The following ADIPOR2 variants were observed in gnomAD, a reference collection of about 807,000 sequenced individuals.
ADIPOR2 encodes adiponectin receptor 2.
In ADIPOR2, 18 loss-of-function variants were observed where a neutral mutation model predicts 40.9. The observed-to-expected ratio is 0.44, with a 90% CI of 0.30 to 0.65. The LOEUF (loss-of-function observed/expected upper bound fraction) is 0.65, where lower values mean the gene tolerates loss of function less well. Among genes scored for constraint, ADIPOR2 ranks in the 30% least tolerant of loss-of-function variants. The pLI, the probability that ADIPOR2 is intolerant of heterozygous loss-of-function variation, is 0.09. For missense variants in ADIPOR2, 283 were observed against 479.2 expected (o/e 0.59, Z 3.82); for synonymous variants, 165 against 166.4 (o/e 0.99, Z 0.06).
At chr12:1,765,749 A>G (rs1309840053) in intron 2 of ADIPOR2, among the ~76,000 whole-genome samples, 3 of 151,804 alleles carry the variant, frequency 2.0e-5, no homozygotes, top group East Asian at 1.9e-4. Context: ...TTTTTCTTCT[A>G]TAGCCTTCAA....
At chr12:1,748,317 C>T (rs1018564286) in intron 1 of ADIPOR2, among the ~76,000 whole-genome samples, 98 of 152,194 alleles carry the variant, frequency 6.4e-4, no homozygotes, top group Middle Eastern at 3.4e-3. Flanking sequence ...GGCGCGATCT[C>T]GGCTCACTGC....
intron 1 of ADIPOR2, among the ~76,000 whole-genome samples, chr12:1,745,615 A>G (rs951749438): frequency 6.6e-6 from 1 of 152,178 alleles, no homozygotes; most frequent in East Asian, 1.9e-4. Context: ...CCTTCTTACA[A>G]TGAATTATCC....
chr12:1,722,848 T>G (rs1405105648), intron 1 of ADIPOR2, among the ~76,000 whole-genome samples: 1 of 152,246 alleles, frequency 6.6e-6, no homozygotes, highest in African/African-American at 2.4e-5. Context: ...TAAGTGACAG[T>G]CCAGGTAGAA....
In ADIPOR2 at chr12:1,772,949, A is replaced by G. The variant is rs1413666397; in HGVS notation, c.279A>G (p.Glu93=). The G allele has an allele frequency of 3.7e-6, 6 of 1,613,468 alleles. No individual in the cohort carries two copies. The highest frequency in any genetic ancestry group is 5.1e-6 in the Non-Finnish European group (6 of 1,179,728). The change falls in exon 3 of 8, where the codon GAA becomes GAG. Residue 93 remains glutamate (E), a synonymous_variant. Coordinates refer to ENST00000357103, the MANE Select transcript of ADIPOR2 (RefSeq NM_024551.3). ...ATCATGCTATGGAAAAAATGGAAGA[A>G]TTTGTTTGTAAGGTAAGAGTGCAGT... ...QAHHAMEKME[E]FVCKVWEGRW...
intron 1 of ADIPOR2, among the ~76,000 whole-genome samples, chr12:1,701,939 T>C (rs2094651017): frequency 6.6e-6 from 1 of 152,064 alleles, no homozygotes; most frequent in African/African-American, 2.4e-5. Context: ...CTGACCAACA[T>C]GGTGAAACTC....
intron 1 of ADIPOR2, among the ~76,000 whole-genome samples, chr12:1,736,173 C>T (rs2094730105): frequency 6.6e-6 from 1 of 152,084 alleles, no homozygotes; most frequent in Admixed American, 6.5e-5. Context: ...GGAATGGTAC[C>T]AGCTCCTCCT....
At chr12:1,704,015 GTT>G (rs772767475) in intron 1 of ADIPOR2, among the ~76,000 whole-genome samples, 7 of 54,516 alleles carry the variant, frequency 1.3e-4, no homozygotes, top group Non-Finnish European at 1.6e-4. Context: ...GCCCCCACCA[GTT>G]TTTTTTTTTT....
At chr12:1,727,452 AC>A (rs1417553889) in intron 1 of ADIPOR2, among the ~76,000 whole-genome samples, 4 of 152,140 alleles carry the variant, frequency 2.6e-5, no homozygotes, top group African/African-American at 9.7e-5. Context: ...ATAATCATTC[AC>A]TCATTGCATG....
rs2094646898 is a variant in ADIPOR2 at position 1,699,923 on chromosome 12, T to TTGGCC, written c.-87+8733_-87+8734insGGCCT. 1.8e-4 allele frequency among the ~76,000 whole-genome samples: 27 copies of TTGGCC among 152,320 alleles called. No homozygotes were observed. In the South Asian group the frequency reaches 5.6e-3, roughly 32 times the overall value. On this transcript the variant is annotated intron_variant, in intron 1 of 7. Transcript: ENST00000357103. ...AGGGGATATATGTTGGCCAATGATA[T>TTGGCC]TATAGATTGGCTTAATTAGACAAGT...
intron 2 of ADIPOR2, among the ~76,000 whole-genome samples, chr12:1,770,195 A>G (rs1261062169): frequency 1.3e-5 from 2 of 152,182 alleles, no homozygotes; most frequent in Non-Finnish European, 2.9e-5. Flanking sequence ...GTAGTCTTAT[A>G]TGTAACCAGT....
intron 2 of ADIPOR2, among the ~76,000 whole-genome samples, chr12:1,759,547 A>G (rs1565651961): frequency 6.6e-6 from 1 of 152,186 alleles, no homozygotes; most frequent in Non-Finnish European, 1.5e-5. Flanking sequence ...TTTTTGTACA[A>G]GTCTTTATTT....
intron 1 of ADIPOR2, among the ~76,000 whole-genome samples, chr12:1,746,879 AT>A (rs1463005012): frequency 1.3e-5 from 2 of 152,202 alleles, no homozygotes; most frequent in Non-Finnish European, 2.9e-5. Context: ...AAATTAAAAA[AT>A]TAGCTGGGCA....
In ADIPOR2 at chr12:1,726,119, GC is replaced by G. The variant is rs373044578; in HGVS notation, c.-86-28138del. ...AAATTGCTTTTGAGGTATCACTTAAGCAACCTTAGTGCTTCTAAGCAACATA... is the reference window on the plus strand; with the variant it reads ...AAATTGCTTTTGAGGTATCACTTAAGAACCTTAGTGCTTCTAAGCAACATA... On this transcript the variant is annotated intron_variant, in intron 1 of 7. Coordinates refer to ENST00000357103, the MANE Select transcript of ADIPOR2 (RefSeq NM_024551.3). 6.1e-4 allele frequency among the ~76,000 whole-genome samples: 93 copies of G among 152,328 alleles called. 3 individuals are homozygous for G. In the South Asian group the frequency reaches 0.019, roughly 31 times the overall value.
chr12:1,695,235 G>A (rs1259189880), intron 1 of ADIPOR2, among the ~76,000 whole-genome samples: 1 of 151,822 alleles, frequency 6.6e-6, no homozygotes, highest in Non-Finnish European at 1.5e-5. Flanking sequence ...TGCGCCTGTA[G>A]TTCCAGCTAC....
At chr12:1,737,562 T>G (rs1159433189) in intron 1 of ADIPOR2, among the ~76,000 whole-genome samples, 1 of 152,206 alleles carries the variant, frequency 6.6e-6, no homozygotes, top group Non-Finnish European at 1.5e-5. Context: ...CTAATCTTCC[T>G]GTAGTTGTCA....
intron 6 of ADIPOR2, among the ~76,000 whole-genome samples, chr12:1,781,311 A>G (rs1414114411): frequency 1.3e-5 from 2 of 152,080 alleles, no homozygotes; most frequent in Non-Finnish European, 2.9e-5. Context: ...CATGGTGAGT[A>G]TGAGGTGATA....
chr12:1,714,113 A>AG (rs1486763331), intron 1 of ADIPOR2, among the ~76,000 whole-genome samples: 2 of 151,814 alleles, frequency 1.3e-5, no homozygotes, highest in Non-Finnish European at 2.9e-5. Flanking sequence ...GACATGGGCG[A>AG]GGGGGCAGCT....
intron 1 of ADIPOR2, among the ~76,000 whole-genome samples, chr12:1,738,782 C>T (rs912129048): frequency 2.6e-5 from 4 of 152,056 alleles, no homozygotes; most frequent in Admixed American, 1.3e-4. Context: ...TTGAAGAAAC[C>T]ATTTTGGATA....
At chr12:1,718,759 T>C (rs1318299488) in intron 1 of ADIPOR2, among the ~76,000 whole-genome samples, 1 of 152,232 alleles carries the variant, frequency 6.6e-6, no homozygotes. Context: ...AGGCTTTCAC[T>C]GTCTTTTTCC....
Sources: gnomAD v4.1 joint callset for allele counts (sites outside exome capture counted in the v4.1 genomes callset) on GRCh38, gnomAD v4.1.1 for gene constraint, MANE v1.5 for transcripts, NCBI Gene and HGNC (gene_info 2026-07-23, HGNC 2026-07-21) for gene names.